Variants in CDH12 observed in about 807,000 individuals in gnomAD.
The protein encoded by CDH12 is cadherin-12.
Under a neutral mutation model 74.1 loss-of-function variants are expected in CDH12, and 41 were observed. The observed-to-expected ratio is 0.55, with a 90% CI of 0.43 to 0.72. The LOEUF is 0.72. Among genes scored for constraint, CDH12 ranks in the 30% least tolerant of loss-of-function variants. The probability of loss-of-function intolerance (pLI) is 0.00; values close to 1 mark genes in which losing one functional copy is unlikely to be tolerated. For synonymous variants in CDH12, 399 were observed against 355.0 expected (o/e 1.12, Z -1.39); for missense variants, 945 against 977.2 (o/e 0.97, Z 0.44).
chr5:22,130,010 A>G (rs1453259287), intron 4 of CDH12, among the ~76,000 whole-genome samples: 1 of 151,996 alleles, frequency 6.6e-6, no homozygotes, highest in Non-Finnish European at 1.5e-5. Context: ...ATTGAAGTTC[A>G]AGGTGTTTTG....
At chr5:22,713,832 A>C (rs1743426524) in intron 1 of CDH12, among the ~76,000 whole-genome samples, 1 of 152,084 alleles carries the variant, frequency 6.6e-6, no homozygotes, top group Non-Finnish European at 1.5e-5. Context: ...TAAAACTCAA[A>C]CTTTCAAAAC....
In CDH12 at chr5:22,037,131, G is replaced by A. The variant is rs1232470620; in HGVS notation, c.231+41315C>T. Among the ~76,000 whole-genome samples, 7 of 152,294 alleles carry A rather than the reference G, an allele frequency of 4.6e-5. No individual in the cohort carries two copies. The East Asian group carries it at 1.2e-3, about 25-fold the overall frequency. ...GGCGGCAAGCCGTAAAGCTTGAAAA[G>A]CAATACCTGGTATGGTGGGCAAAAT... On this transcript the variant is annotated intron_variant, in intron 5 of 14. Coordinates refer to ENST00000382254, the MANE Select transcript of CDH12 (RefSeq NM_004061.5).
At chr5:21,849,089 A>G (rs7444901) in intron 7 of CDH12, among the ~76,000 whole-genome samples, 82,638 of 151,702 alleles carry the variant, frequency 0.54, 26,795 homozygotes, top group Non-Finnish European at 0.72. Context: ...ATTCTTATAT[A>G]TGGTATTATT....
Position 22,054,941 on chromosome 5 carries a change from C to T in CDH12, c.231+23505G>A, listed in dbSNP as rs58772114. Among the ~76,000 whole-genome samples, 560 of 152,218 alleles carry T rather than the reference C, an allele frequency of 3.7e-3. 7 individuals are homozygous for T. The highest frequency in any genetic ancestry group is 0.014 in the Middle Eastern group (4 of 294). On this transcript the variant is annotated intron_variant, in intron 5 of 14. Transcript: ENST00000382254. ...GTGTGATTTAATAGAATTATAACAACGTAGTCATAACCTTTAAGGCCCAGG... is the reference window on the plus strand; with the variant it reads ...GTGTGATTTAATAGAATTATAACAATGTAGTCATAACCTTTAAGGCCCAGG...
chr5:21,802,583 A>ATTTTTTT (rs1488305945), intron 9 of CDH12, among the ~76,000 whole-genome samples, 163 bp from the exon 10 acceptor site: 2 of 96,998 alleles, frequency 2.1e-5, no homozygotes, highest in African/African-American at 3.3e-5. Context: ...AAGGCAAACC[A>ATTTTTTT]TTTTTTTTTC....
intron 11 of CDH12, among the ~76,000 whole-genome samples, chr5:21,779,679 A>T (rs1336726434): frequency 6.6e-6 from 1 of 152,198 alleles, no homozygotes; most frequent in Non-Finnish European, 1.5e-5. Context: ...GAGCCAAAAC[A>T]TATGCTAGTT....
intron 4 of CDH12, among the ~76,000 whole-genome samples, chr5:22,153,903 T>TATATATAAATATATATATATATATAC (rs1478012877): frequency 9.0e-6 from 1 of 111,146 alleles, no homozygotes; most frequent in Non-Finnish European, 1.9e-5. Context: ...TATATATATA[T>TATATATAAATATATATATATATATAC]ACACACACAT....
intron 9 of CDH12, among the ~76,000 whole-genome samples, chr5:21,815,689 C>A (rs1456002894): frequency 6.6e-6 from 1 of 152,104 alleles, no homozygotes; most frequent in African/African-American, 2.4e-5. Flanking sequence ...CTCTCACGTC[C>A]ATTACTGGCC....
intron 1 of CDH12, among the ~76,000 whole-genome samples, chr5:22,567,073 C>G (rs1011221887): frequency 1.3e-5 from 2 of 152,114 alleles, no homozygotes; most frequent in Admixed American, 6.5e-5. Flanking sequence ...TGGTCCTATG[C>G]CTTAACTATT....
At chr5:22,305,873 C>A (rs1738084851) in intron 3 of CDH12, among the ~76,000 whole-genome samples, 1 of 152,146 alleles carries the variant, frequency 6.6e-6, no homozygotes, top group Non-Finnish European at 1.5e-5. Context: ...TTTCTTCTTT[C>A]TTAGTATTTC....
chr5:22,059,253 C>T (rs1447136377), intron 5 of CDH12, among the ~76,000 whole-genome samples: 1 of 144,216 alleles, frequency 6.9e-6, no homozygotes, highest in Admixed American at 7.1e-5. Flanking sequence ...TTTCCTTGTA[C>T]TCTATCTATC....
chr5:22,603,790 A>G (rs1736963828), intron 1 of CDH12, among the ~76,000 whole-genome samples: 1 of 152,212 alleles, frequency 6.6e-6, no homozygotes, highest in South Asian at 2.1e-4. Flanking sequence ...CAAAAGAGAA[A>G]AAGAGATGAA....
At chr5:22,795,007 A>T (rs962675261) in intron 1 of CDH12, among the ~76,000 whole-genome samples, 2 of 152,184 alleles carry the variant, frequency 1.3e-5, no homozygotes, top group African/African-American at 4.8e-5. Flanking sequence ...TTGGTGCCAA[A>T]AAATGAAGGT....
intron 4 of CDH12, among the ~76,000 whole-genome samples, chr5:22,116,590 G>T (rs372916920): frequency 3.3e-5 from 5 of 151,250 alleles, no homozygotes. Context: ...GGGTGACAGA[G>T]CAAGACTCTG....
At chr5:22,153,709 C>A (rs13174346) in intron 4 of CDH12, among the ~76,000 whole-genome samples, 49,309 of 142,366 alleles carry the variant, frequency 0.35, 9,688 homozygotes, top group East Asian at 0.68. Flanking sequence ...ACATAGTGAA[C>A]ATTCAATATA....
chr5:22,622,981 T>C (rs918030917), intron 1 of CDH12, among the ~76,000 whole-genome samples: 2 of 152,288 alleles, frequency 1.3e-5, no homozygotes, highest in Admixed American at 6.5e-5. Context: ...CATGATCAAG[T>C]GGGCTTCATC....
chr5:22,083,082 T>C (rs1742845273), intron 4 of CDH12, among the ~76,000 whole-genome samples: 1 of 152,226 alleles, frequency 6.6e-6, no homozygotes, highest in African/African-American at 2.4e-5. Flanking sequence ...ATATCTTTTT[T>C]CTCTATGAGC....
chr5:22,234,568 G>A (rs77854947), intron 3 of CDH12, among the ~76,000 whole-genome samples: 3 of 146,440 alleles, frequency 2.0e-5, no homozygotes, highest in African/African-American at 7.6e-5. Context: ...GGTATGTGGG[G>A]TTTTTTTTGT....
At chr5:22,190,315 G>A (rs1476527334) in intron 4 of CDH12, among the ~76,000 whole-genome samples, 1 of 151,926 alleles carries the variant, frequency 6.6e-6, no homozygotes, top group East Asian at 1.9e-4. Context: ...GTTGGATGAT[G>A]AGAACTCATT....
Sources: gnomAD v4.1 joint callset for allele counts (sites outside exome capture counted in the v4.1 genomes callset) on GRCh38, gnomAD v4.1.1 for gene constraint, MANE v1.5 for transcripts, NCBI Gene and HGNC (gene_info 2026-07-23, HGNC 2026-07-21) for gene names.